Variants in CLSTN2 observed in about 807,000 individuals in gnomAD.
The protein encoded by CLSTN2 is calsyntenin-2.
Under a neutral mutation model 101.2 loss-of-function variants are expected in CLSTN2, and 48 were observed. The ratio of observed to expected loss-of-function variants is 0.47; its 90% CI spans 0.38 to 0.60. CLSTN2 has a LOEUF of 0.60. CLSTN2 is among the 20% of genes least tolerant of loss of function. The probability of loss-of-function intolerance (pLI) is 0.00; values close to 1 mark genes in which losing one functional copy is unlikely to be tolerated. For missense variants in CLSTN2, 1,160 were observed against 1,238.2 expected, an observed-to-expected ratio of 0.94 and a Z score of 0.95; for synonymous variants, 481 against 463.6, an observed-to-expected ratio of 1.04 and a Z score of -0.48.
At chr3:140,280,420 G>C (rs903183361) in intron 2 of CLSTN2, among the ~76,000 whole-genome samples, 14 of 152,138 alleles carry the variant, frequency 9.2e-5, no homozygotes, top group African/African-American at 3.4e-4. Context: ...ACTGGTAGAA[G>C]AGAGTAGGAG....
chr3:140,570,737 C>A lies in CLSTN2; in HGVS notation c.*4484C>A, dbSNP rs774052495. 6.6e-5 allele frequency: 10 copies of A among 152,088 alleles called. No homozygotes were observed. Among genetic ancestry groups the A allele is most frequent in the Non-Finnish European group, 1.5e-4 (10 of 68,026 alleles). The allele number at this position is 152,088 out of a possible 1,614,324, so 9.4% of individuals were successfully genotyped here. On this transcript the variant is annotated 3_prime_UTR_variant, in exon 17 of 17. Coordinates refer to ENST00000458420, the MANE Select transcript of CLSTN2 (RefSeq NM_022131.3). ...TTTTAATAATTTAAAAATATAAAAA[C>A]CTTCCTCAGCCCACAGGCCATACGA...
intron 4 of CLSTN2, among the ~76,000 whole-genome samples, chr3:140,409,762 C>G (rs1278929636): frequency 1.3e-5 from 2 of 152,026 alleles, no homozygotes; most frequent in African/African-American, 4.8e-5. Flanking sequence ...TCTAAAGAAA[C>G]TCAGTGATCT....
At chr3:140,201,189 A>T (rs2010713753) in intron 2 of CLSTN2, among the ~76,000 whole-genome samples, 1 of 152,136 alleles carries the variant, frequency 6.6e-6, no homozygotes. Flanking sequence ...TTGTTTAGAG[A>T]CTGGTTTGGT....
intron 10 of CLSTN2, 90 bp from the exon 11 acceptor site, chr3:140,556,423 C>T: frequency 7.8e-7 from 1 of 1,284,786 alleles, no homozygotes; most frequent in South Asian, 1.3e-5. Context: ...TATGGTGACC[C>T]TTGGTGCCCT....
chr3:140,201,377 G>C (rs1328889413), intron 2 of CLSTN2, among the ~76,000 whole-genome samples: 4 of 152,138 alleles, frequency 2.6e-5, no homozygotes, highest in African/African-American at 9.7e-5. Context: ...CAGTCACTTT[G>C]CCTGGCACAC....
At chr3:139,982,446 C>A (rs1935947698) in intron 1 of CLSTN2, among the ~76,000 whole-genome samples, 2 of 151,952 alleles carry the variant, frequency 1.3e-5, no homozygotes, top group African/African-American at 4.8e-5. Flanking sequence ...TCTGTGGGGG[C>A]TTAATTTCTG....
chr3:140,287,245 A>G (rs1312944379), intron 2 of CLSTN2, among the ~76,000 whole-genome samples: 1 of 152,216 alleles, frequency 6.6e-6, no homozygotes, highest in East Asian at 1.9e-4. Flanking sequence ...TCTCAAAATC[A>G]TTATGCTGAG....
intron 1 of CLSTN2, among the ~76,000 whole-genome samples, chr3:139,988,652 G>A (rs1279959635): frequency 6.6e-6 from 1 of 152,166 alleles, no homozygotes; most frequent in Admixed American, 6.5e-5. Flanking sequence ...GGTTTGGAAG[G>A]CTTTCTGGAT....
At chr3:140,040,006 A>T (rs919945252) in intron 1 of CLSTN2, among the ~76,000 whole-genome samples, 2 of 152,196 alleles carry the variant, frequency 1.3e-5, no homozygotes, top group African/African-American at 4.8e-5. Context: ...TATTAATTAC[A>T]ATTCTGTACA....
At chr3:140,074,434 G>T (rs1576417814) in intron 1 of CLSTN2, among the ~76,000 whole-genome samples, 1 of 152,160 alleles carries the variant, frequency 6.6e-6, no homozygotes, top group Non-Finnish European at 1.5e-5. Context: ...CCCAAAGGAG[G>T]TGCTTAATAA....
intron 2 of CLSTN2, among the ~76,000 whole-genome samples, chr3:140,244,342 G>A (rs924873819): frequency 1.5e-4 from 23 of 152,210 alleles, no homozygotes; most frequent in African/African-American, 5.3e-4. Flanking sequence ...AAGCCAAACT[G>A]ACATCACTGC....
At chr3:140,107,675 A>G (rs116033219) in intron 1 of CLSTN2, among the ~76,000 whole-genome samples, 217 of 152,232 alleles carry the variant, frequency 1.4e-3, no homozygotes, top group African/African-American at 4.9e-3. Context: ...TGCAGTCCAT[A>G]AAGTCCACAG....
rs2107804133 is a variant in CLSTN2 at position 139,935,233 on chromosome 3, C to G, written c.-142C>G. The G allele has an allele frequency of 2.6e-6, 1 of 378,150 alleles. No individual in the cohort carries two copies. Among genetic ancestry groups the G allele is most frequent in the Non-Finnish European group, 4.5e-6 (1 of 222,112 alleles). The allele number at this position is 378,150 out of a possible 1,614,324, so 23.4% of individuals were successfully genotyped here. On this transcript the variant is annotated 5_prime_UTR_variant, in exon 1 of 17. Coordinates refer to ENST00000458420, the MANE Select transcript of CLSTN2 (RefSeq NM_022131.3). The surrounding 1 kb of genome is among the most constrained non-coding windows in gnomAD (Gnocchi z 5.5). ...AGCTAGCGGCGCAGCGGCGGGAACC[C>G]GAGGCCGAGCGCCGCGGCGGCAGCG... is the stretch of plus-strand genomic sequence containing the variant.
chr3:140,148,624 A>C (rs2009816621), intron 1 of CLSTN2, among the ~76,000 whole-genome samples: 1 of 152,180 alleles, frequency 6.6e-6, no homozygotes, highest in African/African-American at 2.4e-5. Flanking sequence ...CCTAAAAGAA[A>C]CCTATTTAGG....
At chr3:140,250,135 C>A (rs1052275667) in intron 2 of CLSTN2, among the ~76,000 whole-genome samples, 1 of 152,194 alleles carries the variant, frequency 6.6e-6, no homozygotes, top group Admixed American at 6.5e-5. Context: ...GACTACAACA[C>A]AATGTACTAG....
chr3:140,263,073 C>A (rs915431164), intron 2 of CLSTN2, among the ~76,000 whole-genome samples: 1 of 149,976 alleles, frequency 6.7e-6, no homozygotes, highest in Non-Finnish European at 1.5e-5. Context: ...CAAGAGCAAG[C>A]AAACAAAAAA....
At chr3:140,066,910 G>A (rs35340952) in intron 1 of CLSTN2, among the ~76,000 whole-genome samples, 30,197 of 152,098 alleles carry the variant, frequency 0.2, 3,266 homozygotes, top group East Asian at 0.39. Flanking sequence ...TGTCACTCAC[G>A]TCTCTATGTT....
intron 2 of CLSTN2, among the ~76,000 whole-genome samples, chr3:140,304,828 T>C (rs2087095786): frequency 6.6e-6 from 1 of 152,182 alleles, no homozygotes; most frequent in Admixed American, 6.5e-5. Flanking sequence ...CACCACTTAC[T>C]AGGTGTGTCA....
At chr3:140,065,147 C>A (rs2008276992) in intron 1 of CLSTN2, among the ~76,000 whole-genome samples, 1 of 152,240 alleles carries the variant, frequency 6.6e-6, no homozygotes. Flanking sequence ...TAGTATTTTA[C>A]AGGAGCAGGC....
Sources: allele counts gnomAD v4.1 joint callset (sites outside exome capture counted in the v4.1 genomes callset), GRCh38; gene constraint gnomAD v4.1.1; non-coding constraint Gnocchi (gnomAD v3.1); transcripts MANE v1.5; gene names NCBI Gene and HGNC (gene_info 2026-07-23, HGNC 2026-07-21).